PRKG1: variants seen among roughly 807,000 people sequenced by gnomAD.
PRKG1 encodes the protein protein kinase cGMP-dependent 1, also known as cGMP-dependent protein kinase 1.
In PRKG1, 35 loss-of-function variants were observed where a neutral mutation model predicts 88.1. The observed-to-expected ratio is 0.40, with a 90% CI of 0.30 to 0.53. The LOEUF is 0.53. PRKG1 is among the 20% of genes least tolerant of loss of function. The probability of loss-of-function intolerance (pLI) is 0.59; values close to 1 mark genes in which losing one functional copy is unlikely to be tolerated. For missense variants in PRKG1, 540 were observed against 839.8 expected, an observed-to-expected ratio of 0.64 and a Z score of 4.41; for synonymous variants, 303 against 292.5, an observed-to-expected ratio of 1.04 and a Z score of -0.37.
intron 3 of PRKG1, among the ~76,000 whole-genome samples, chr10:51,543,724 AT>A (rs1842372218): frequency 6.6e-6 from 1 of 152,200 alleles, no homozygotes; most frequent in Non-Finnish European, 1.5e-5. Flanking sequence ...TCCTCAGGCT[AT>A]AAAGCCACTT....
intron 3 of PRKG1, among the ~76,000 whole-genome samples, chr10:51,508,733 T>A (rs575712911): frequency 5.9e-5 from 9 of 152,282 alleles, no homozygotes; most frequent in African/African-American, 2.2e-4. Context: ...TCTGTTCTGT[T>A]AATTCAATGT....
intron 2 of PRKG1, among the ~76,000 whole-genome samples, chr10:51,211,360 T>G (rs552110753): frequency 1.2e-4 from 18 of 152,318 alleles, no homozygotes; most frequent in African/African-American, 4.1e-4. Context: ...GCCAATATCA[T>G]ACTGAATGGA....
chr10:51,193,229 A>G (rs1460053318), intron 2 of PRKG1, among the ~76,000 whole-genome samples: 4 of 152,010 alleles, frequency 2.6e-5, no homozygotes, highest in African/African-American at 9.7e-5. Flanking sequence ...GTACTTGAAT[A>G]TAGCTCGAGC....
chr10:52,193,736 C>T (rs1157919486), intron 9 of PRKG1, among the ~76,000 whole-genome samples: 1 of 152,068 alleles, frequency 6.6e-6, no homozygotes, highest in Admixed American at 6.6e-5. Flanking sequence ...AAGCAAAAGG[C>T]AAATCTTCCT....
At chr10:51,270,407 T>G (rs1839948252) in intron 2 of PRKG1, among the ~76,000 whole-genome samples, 1 of 152,188 alleles carries the variant, frequency 6.6e-6, no homozygotes, top group Admixed American at 6.5e-5. Context: ...ACTTAGATTT[T>G]TGGACATCTT....
intron 3 of PRKG1, among the ~76,000 whole-genome samples, chr10:51,786,972 C>T (rs368009718): frequency 1.3e-4 from 20 of 152,128 alleles, no homozygotes; most frequent in Admixed American, 2.6e-4. Context: ...TCCAGGTTTA[C>T]GATTTAGAAA....
intron 7 of PRKG1, among the ~76,000 whole-genome samples, chr10:52,064,337 A>T (rs1846306557): frequency 6.6e-6 from 1 of 152,212 alleles, no homozygotes. Context: ...GCTCAGTCCC[A>T]ACTTTCCTCC....
At chr10:52,222,512 G>A (rs1840272399) in intron 9 of PRKG1, among the ~76,000 whole-genome samples, 1 of 152,130 alleles carries the variant, frequency 6.6e-6, no homozygotes, top group African/African-American at 2.4e-5. Flanking sequence ...GTGAGAATAT[G>A]GGATTTTCTA....
At chr10:51,694,235 A>G (rs1438131568) in intron 3 of PRKG1, among the ~76,000 whole-genome samples, 2 of 152,200 alleles carry the variant, frequency 1.3e-5, no homozygotes, top group East Asian at 3.9e-4. Context: ...AATTATCCTT[A>G]GACCTCATCA....
intron 3 of PRKG1, among the ~76,000 whole-genome samples, chr10:51,669,454 C>A (rs1840502766): frequency 6.6e-6 from 1 of 152,168 alleles, no homozygotes; most frequent in South Asian, 2.1e-4. Flanking sequence ...AAGGCTTCAA[C>A]ATATGAATTT....
At chr10:51,559,627 A>T (rs1837405326) in intron 3 of PRKG1, among the ~76,000 whole-genome samples, 1 of 152,138 alleles carries the variant, frequency 6.6e-6, no homozygotes. Context: ...TAATGCATGA[A>T]ATTTTTATCA....
chr10:51,263,661 C>T (rs928246776), intron 2 of PRKG1, among the ~76,000 whole-genome samples: 1 of 152,100 alleles, frequency 6.6e-6, no homozygotes, highest in Non-Finnish European at 1.5e-5. Context: ...GTGCATGTAA[C>T]GTATATGATA....
At chr10:51,536,260 T>A (rs996261422) in intron 3 of PRKG1, among the ~76,000 whole-genome samples, 2 of 152,216 alleles carry the variant, frequency 1.3e-5, no homozygotes, top group Admixed American at 6.5e-5. Flanking sequence ...TCTTTCTGTA[T>A]TAAAAATTTT....
chr10:52,254,461 C>T (rs1181558031), intron 10 of PRKG1, among the ~76,000 whole-genome samples: 1 of 151,830 alleles, frequency 6.6e-6, no homozygotes, highest in African/African-American at 2.4e-5. Context: ...AAGATAATAC[C>T]ATAAGTTACA....
At chr10:51,265,031 C>T (rs1157231638) in intron 2 of PRKG1, among the ~76,000 whole-genome samples, 4 of 151,794 alleles carry the variant, frequency 2.6e-5, no homozygotes, top group Admixed American at 2.6e-4. Context: ...TTTAAACACA[C>T]AGGTTTCAGA....
Position 51,618,576 on chromosome 10 carries a change from G to T in PRKG1, c.592+150740G>T, listed in dbSNP as rs1032630796. On this transcript the variant is annotated intron_variant, in intron 3 of 17. Coordinates refer to ENST00000373980, the MANE Select transcript of PRKG1 (RefSeq NM_006258.4). Reference sequence around the variant, plus strand: ...ACTTTAGTACTAACAACTATGCTGTGAATAGGTACTATTATAGTCCCTACT... The same window carrying T: ...ACTTTAGTACTAACAACTATGCTGTTAATAGGTACTATTATAGTCCCTACT... 2.0e-4 allele frequency among the ~76,000 whole-genome samples: 31 copies of T among 152,058 alleles called. 1 individual carries two copies. The highest frequency in any genetic ancestry group is 7.5e-4 in the African/African-American group (31 of 41,396).
intron 1 of PRKG1, among the ~76,000 whole-genome samples, chr10:51,113,741 A>AG (rs1474461128): frequency 3.1e-5 from 4 of 128,992 alleles, no homozygotes; most frequent in Non-Finnish European, 5.3e-5. Context: ...AAAAAAAAAA[A>AG]AAAAAAAACT....
intron 5 of PRKG1, among the ~76,000 whole-genome samples, chr10:52,004,319 A>G (rs1376336579): frequency 1.3e-5 from 2 of 152,234 alleles, no homozygotes; most frequent in Non-Finnish European, 2.9e-5. Flanking sequence ...GGCAAGAGTT[A>G]CTTGCATTGT....
At chr10:51,858,433 T>C (rs1352361734) in intron 4 of PRKG1, among the ~76,000 whole-genome samples, 1 of 71,060 alleles carries the variant, frequency 1.4e-5, no homozygotes, top group Non-Finnish European at 3.0e-5. Flanking sequence ...TATATATATA[T>C]AGTCTTAGTT....
Sources: allele counts gnomAD v4.1 joint callset (sites outside exome capture counted in the v4.1 genomes callset), GRCh38; gene constraint gnomAD v4.1.1; transcripts MANE v1.5; gene names NCBI Gene and HGNC (gene_info 2026-07-23, HGNC 2026-07-21).